SCRN1: variants seen among roughly 807,000 people sequenced by gnomAD.
SCRN1 encodes the protein secernin-1.
SCRN1 carries 19 observed loss-of-function variants against 43.3 expected under a neutral mutation model. The observed-to-expected ratio is 0.44, with a 90% CI of 0.31 to 0.64. The LOEUF is 0.64. Among genes scored for constraint, SCRN1 ranks in the 30% least tolerant of loss-of-function variants. The pLI is 0.09. For synonymous variants in SCRN1, 183 were observed against 188.9 expected (o/e 0.97, Z 0.26); for missense variants, 447 against 524.1 (o/e 0.85, Z 1.44).
rs563244969 is a variant in SCRN1 at position 29,950,729 on chromosome 7, C to T, written c.341+4450G>A. Reference sequence around the variant, plus strand: ...CTACCAAGTTTGGGCCTCCTTGACTCGTTGGGATGACCTGCCTGCAGCAGA... The same window carrying T: ...CTACCAAGTTTGGGCCTCCTTGACTTGTTGGGATGACCTGCCTGCAGCAGA... On this transcript the variant is annotated intron_variant, in intron 3 of 7. Transcript: ENST00000242059. This position sits in a 1 kb window ranked among gnomAD's most constrained non-coding sequence, Gnocchi z 4.5. Among the ~76,000 whole-genome samples the T allele has an allele frequency of 7.2e-5, 11 of 152,312 alleles. No homozygotes were observed. Among genetic ancestry groups the T allele is most frequent in the African/African-American group, 2.2e-4 (9 of 41,564 alleles).
intron 3 of SCRN1, among the ~76,000 whole-genome samples, chr7:29,948,236 C>T (rs1275269868): frequency 6.6e-6 from 1 of 152,232 alleles, no homozygotes; most frequent in Non-Finnish European, 1.5e-5. Context: ...GGATCCCTGG[C>T]TTAGCCACCT....
intron 2 of SCRN1, among the ~76,000 whole-genome samples, chr7:29,962,749 G>A (rs1187488515): frequency 2.0e-5 from 3 of 152,098 alleles, no homozygotes; most frequent in African/African-American, 7.2e-5. Flanking sequence ...AATGGCTGAG[G>A]AATAGATGGG....
In SCRN1 at chr7:29,926,531, C is replaced by A; in HGVS notation, c.1007G>T (p.Arg336Leu). ...GDDDPAKKEP[R>L]FQEKPDRRHE... ...CCGGCGGTCTGGTTTCTCCTGGAAC[C>A]GAGGCTCCTTTTTGGCAGGGTCGTC... Residue 336 changes from arginine (R) to leucine (L), a missense_variant, in exon 7 of 8, where the codon CGG (arginine) becomes CTG (leucine). Arg to Leu is a moderately radical substitution (Grantham distance 102). Transcript: ENST00000242059. 1 of 1,614,112 alleles carries A rather than the reference C, an allele frequency of 6.2e-7. No homozygotes were observed. Among genetic ancestry groups the A allele is most frequent in the Non-Finnish European group, 8.5e-7 (1 of 1,180,032 alleles).
intron 1 of SCRN1, among the ~76,000 whole-genome samples, chr7:29,971,597 G>C (rs1788666484): frequency 6.7e-6 from 1 of 148,232 alleles, no homozygotes; most frequent in South Asian, 2.1e-4. Flanking sequence ...TCACGCCACT[G>C]CACTCTCAGC....
intron 1 of SCRN1, chr7:29,969,315 C>A (rs773778427): frequency 4.0e-6 from 2 of 497,438 alleles, no homozygotes; most frequent in South Asian, 5.2e-5. Flanking sequence ...CAAACCACAG[C>A]GGCAGCCAAA....
intron 1 of SCRN1, among the ~76,000 whole-genome samples, chr7:29,984,934 G>T (rs201707935): frequency 7.3e-6 from 1 of 136,530 alleles, no homozygotes; most frequent in Non-Finnish European, 1.6e-5. Flanking sequence ...AAAAAAAAAA[G>T]AATTACAAAT....
chr7:29,945,974 T>C (rs950893468), intron 3 of SCRN1, among the ~76,000 whole-genome samples: 1 of 152,194 alleles, frequency 6.6e-6, no homozygotes, highest in East Asian at 1.9e-4. Context: ...TTTATCTAAT[T>C]TGATGCTTCC....
intron 2 of SCRN1, among the ~76,000 whole-genome samples, chr7:29,958,349 AG>A (rs2128094808): frequency 6.6e-6 from 1 of 152,356 alleles, no homozygotes; most frequent in Admixed American, 6.5e-5. Context: ...TCACAAAATC[AG>A]GAACACTTAC....
chr7:29,951,891 C>T (rs570126271), intron 3 of SCRN1, among the ~76,000 whole-genome samples: 4 of 152,286 alleles, frequency 2.6e-5, no homozygotes, highest in African/African-American at 9.6e-5. Flanking sequence ...CTGGAAAGTG[C>T]AAAGTACCAG....
chr7:29,979,806 T>C (rs945836822), intron 1 of SCRN1, among the ~76,000 whole-genome samples: 3 of 152,250 alleles, frequency 2.0e-5, no homozygotes, highest in African/African-American at 7.2e-5. Context: ...AGATAACTTA[T>C]GTAGGATTCA....
chr7:29,951,851 CTT>C (rs1368168162), intron 3 of SCRN1, among the ~76,000 whole-genome samples: 2 of 152,202 alleles, frequency 1.3e-5, no homozygotes, highest in African/African-American at 4.8e-5. Flanking sequence ...CCTTATGTCT[CTT>C]TGAACTGAGG....
intron 1 of SCRN1, among the ~76,000 whole-genome samples, chr7:29,976,081 A>G (rs1297778339): frequency 3.3e-5 from 5 of 152,198 alleles, no homozygotes; most frequent in Non-Finnish European, 7.3e-5. Flanking sequence ...TTGGCAGAGT[A>G]TAAAAAAATA....
Position 29,923,843 on chromosome 7 carries a change from AAGG to A in SCRN1, c.*111_*113del. ...GTAACAGTTTGATCTGGCTTCAGAAAAGGAGGCCACATATTAACTTTCTCATTT... is the reference window on the plus strand; with the variant it reads ...GTAACAGTTTGATCTGGCTTCAGAAAAGGCCACATATTAACTTTCTCATTT... On this transcript the variant is annotated 3_prime_UTR_variant, in exon 8 of 8. Coordinates refer to ENST00000242059, the MANE Select transcript of SCRN1 (RefSeq NM_014766.5). 8.6e-7 allele frequency: 1 copy of A among 1,158,898 alleles called. No homozygotes were observed. Among genetic ancestry groups the A allele is most frequent in the Non-Finnish European group, 1.2e-6 (1 of 811,756 alleles). The allele number at this position is 1,158,898 out of a possible 1,614,324, so 71.8% of individuals were successfully genotyped here. A position where few individuals can be genotyped will look rare whatever the true frequency, so the allele number is the denominator to read the frequency against.
intron 6 of SCRN1, among the ~76,000 whole-genome samples, chr7:29,933,890 A>C (rs1457109798): frequency 6.6e-6 from 1 of 152,236 alleles, no homozygotes. Flanking sequence ...TAAAGACTAA[A>C]GTGCTGTTCT....
At chr7:29,962,689 C>CATAAAATAAAATAAA (rs201543011) in intron 2 of SCRN1, among the ~76,000 whole-genome samples, 85 of 151,242 alleles carry the variant, frequency 5.6e-4, no homozygotes, top group African/African-American at 2.0e-3. Context: ...CTGTCTCAAA[C>CATAAAATAAAATAAA]ATAAAATAAA....
intron 2 of SCRN1, among the ~76,000 whole-genome samples, chr7:29,964,339 G>A (rs1394524966): frequency 1.3e-5 from 2 of 152,104 alleles, no homozygotes; most frequent in Admixed American, 1.3e-4. Flanking sequence ...GTGATAAAAA[G>A]AAATGTGTCA....
Position 29,985,004 on chromosome 7 carries a change from C to G in SCRN1, c.-2+4638G>C, listed in dbSNP as rs550041437. ...CAAAGATTTAAAAATTTGATAATATCTAGTCTTGACTTGTGTGGGGAAAGT... is the reference window on the plus strand; with the variant it reads ...CAAAGATTTAAAAATTTGATAATATGTAGTCTTGACTTGTGTGGGGAAAGT... On this transcript the variant is annotated intron_variant, in intron 1 of 7. Coordinates refer to ENST00000242059, the MANE Select transcript of SCRN1 (RefSeq NM_014766.5). Among the ~76,000 whole-genome samples, 3 of 144,394 alleles carry G rather than the reference C, an allele frequency of 2.1e-5. No individual in the cohort carries two copies. The East Asian group carries it at 5.8e-4, about 28-fold the overall frequency. The allele number at this position is 144,394 out of a possible 152,430, so 94.7% of individuals were successfully genotyped here.
intron 3 of SCRN1, among the ~76,000 whole-genome samples, chr7:29,946,072 T>C (rs942039508): frequency 1.3e-5 from 2 of 152,248 alleles, no homozygotes; most frequent in Non-Finnish European, 2.9e-5. Context: ...CTTATGTTTA[T>C]AGTCAAATAA....
chr7:29,969,616 T>C (rs1054753146), intron 1 of SCRN1, among the ~76,000 whole-genome samples: 2 of 152,164 alleles, frequency 1.3e-5, no homozygotes, highest in African/African-American at 4.8e-5. Context: ...ACCTTTTGGT[T>C]TTCCGTCCAC....
Sources: allele counts gnomAD v4.1 joint callset (sites outside exome capture counted in the v4.1 genomes callset), GRCh38; gene constraint gnomAD v4.1.1; non-coding constraint Gnocchi (gnomAD v3.1); transcripts MANE v1.5; gene names NCBI Gene and HGNC (gene_info 2026-07-23, HGNC 2026-07-21).